Variants in NRAP observed in about 807,000 individuals in gnomAD.
NRAP encodes nebulin-related-anchoring protein.
In NRAP, 189 loss-of-function variants were observed where a neutral mutation model predicts 225.9. The ratio of observed to expected loss-of-function variants is 0.84; its 90% CI spans 0.74 to 0.94. The LOEUF (loss-of-function observed/expected upper bound fraction) is 0.94, where lower values mean the gene tolerates loss of function less well. Ranked by LOEUF, NRAP falls within the 40% of genes least tolerant of loss-of-function variation. The probability of loss-of-function intolerance (pLI) is 0.00; values close to 1 mark genes in which losing one functional copy is unlikely to be tolerated. For missense variants in NRAP, 2,176 were observed against 2,168.7 expected (o/e 1.00, Z -0.07); for synonymous variants, 769 against 790.7 (o/e 0.97, Z 0.46).
intron 26 of NRAP, 68 bp downstream of exon 26, chr10:113,617,387 C>T (rs765738914): frequency 1.2e-4 from 115 of 976,550 alleles, no homozygotes; most frequent in Admixed American, 5.3e-4. Context: ...AGAACCCCTC[C>T]GCTTCAATCG....
At position 113,634,149 on chromosome 10, in the gene NRAP, A is replaced by G. The variant is rs1206063031; in HGVS notation, c.1490T>C (p.Ile497Thr). The G allele has an allele frequency of 1.9e-6, 3 of 1,614,020 alleles. No individual in the cohort carries two copies. Among genetic ancestry groups the G allele is most frequent in the Middle Eastern group, 1.6e-4 (1 of 6,062 alleles). ...CTGGGCATTGATTTTGGCTTGAACA[A>G]TCTGTGGGGTGTCAGTCACCGAGCT... ...KYSSVTDTPQIVQAKINAQQL... is the reference protein window; with the variant it reads ...KYSSVTDTPQTVQAKINAQQL... The change falls in exon 15 of 42, where the codon ATT (isoleucine) becomes ACT (threonine). Residue 497 changes from isoleucine (I) to threonine (T), a missense_variant. Ile to Thr is a moderately conservative substitution (Grantham distance 89). Transcript: ENST00000359988.
chr10:113,614,734 G>C, intron 28 of NRAP, 105 bp downstream of exon 28: 1 of 731,264 alleles, frequency 1.4e-6, no homozygotes, highest in Non-Finnish European at 2.5e-6. Context: ...AGTTCGGAGA[G>C]GACAGGGAAT....
intron 16 of NRAP, 47 bp from the exon 17 acceptor site, chr10:113,632,011 T>C: frequency 1.7e-6 from 2 of 1,181,646 alleles, no homozygotes; most frequent in Non-Finnish European, 2.5e-6. Flanking sequence ...CCCATATTCC[T>C]GCCAAACGTC....
intron 18 of NRAP, among the ~76,000 whole-genome samples, chr10:113,630,900 T>A (rs1047614677): frequency 1.2e-4 from 18 of 152,224 alleles, no homozygotes; most frequent in African/African-American, 4.1e-4. Context: ...TTTTTCCCTA[T>A]TCAGCATCAG....
At chr10:113,634,809 T>C (rs1172515825) in intron 14 of NRAP, among the ~76,000 whole-genome samples, 1 of 151,832 alleles carries the variant, frequency 6.6e-6, no homozygotes, top group African/African-American at 2.4e-5. Context: ...AAAAAAGAGG[T>C]GTTAAAAAAA....
rs888890296 is a variant in NRAP at position 113,663,972 on chromosome 10, C to T, written c.-90G>A. The T allele has an allele frequency of 2.3e-5, 23 of 996,198 alleles. No individual in the cohort carries two copies. The highest frequency in any genetic ancestry group is 2.1e-4 in the Middle Eastern group (1 of 4,794). 61.7% of individuals were successfully genotyped at this position (996,198 alleles called of 1,614,324 possible). ...TCTAGTTCAAGTCTTCAAAATCCGA[C>T]GACCATAAAATTCCTGTGGGCACCT... On this transcript the variant is annotated 5_prime_UTR_variant, in exon 1 of 42. Coordinates refer to ENST00000359988, the MANE Select transcript of NRAP (RefSeq NM_198060.4).
At chr10:113,594,153 A>G (rs1212714807) in intron 38 of NRAP, among the ~76,000 whole-genome samples, 2 of 152,106 alleles carry the variant, frequency 1.3e-5, no homozygotes, top group East Asian at 1.9e-4. Flanking sequence ...CCTCATCCTC[A>G]CACATTAGAG....
At chr10:113,658,136 G>A (rs1850425728) in intron 3 of NRAP, among the ~76,000 whole-genome samples, 2 of 152,182 alleles carry the variant, frequency 1.3e-5, no homozygotes, top group South Asian at 4.1e-4. Context: ...TTGCAGTGAT[G>A]CCTTTCTTGT....
intron 36 of NRAP, among the ~76,000 whole-genome samples, chr10:113,597,668 G>A (rs554977666): frequency 3.9e-5 from 6 of 152,332 alleles, no homozygotes; most frequent in African/African-American, 1.2e-4. Flanking sequence ...CAACTCAGTA[G>A]ATGGGTGGCA....
intron 37 of NRAP, among the ~76,000 whole-genome samples, chr10:113,596,647 C>G (rs922011865): frequency 1.3e-5 from 2 of 152,154 alleles, no homozygotes; most frequent in African/African-American, 4.8e-5. Flanking sequence ...CATCTATCAA[C>G]AAGCAACATG....
chr10:113,650,356 G>A, intron 8 of NRAP, 82 bp downstream of exon 8: 1 of 1,047,816 alleles, frequency 9.5e-7, no homozygotes, highest in Non-Finnish European at 1.5e-6. Context: ...AAATGCAAAA[G>A]TCAACAGGAA....
chr10:113,616,908 A>G (rs1430008494), intron 26 of NRAP, among the ~76,000 whole-genome samples: 1 of 151,998 alleles, frequency 6.6e-6, no homozygotes, highest in Non-Finnish European at 1.5e-5. Flanking sequence ...GCAACCCTGC[A>G]CCCCAGCCAA....
At chr10:113,657,600 A>G (rs1850387158) in intron 3 of NRAP, 26 bp from the exon 4 acceptor site, 1 of 1,272,654 alleles carries the variant, frequency 7.9e-7, no homozygotes, top group African/African-American at 1.5e-5. Flanking sequence ...GTTGTCAGTA[A>G]TGTTTCCATC....
At chr10:113,603,157 G>A (rs771523319) in intron 35 of NRAP, among the ~76,000 whole-genome samples, 17 of 152,234 alleles carry the variant, frequency 1.1e-4, no homozygotes, top group Non-Finnish European at 2.4e-4. Context: ...CTGCAACGCA[G>A]TCCCATTGTC....
chr10:113,637,705 C>A (rs561065635), intron 14 of NRAP, among the ~76,000 whole-genome samples: 1 of 152,268 alleles, frequency 6.6e-6, no homozygotes, highest in Non-Finnish European at 1.5e-5. Context: ...AGGCGGATCA[C>A]CTGAGGTCAG....
At chr10:113,647,487 C>A (rs925233956) in intron 9 of NRAP, among the ~76,000 whole-genome samples, 4 of 141,276 alleles carry the variant, frequency 2.8e-5, no homozygotes, top group Non-Finnish European at 6.4e-5. Flanking sequence ...CTGTCTCCCC[C>A]GGTGGTACTG....
rs372528207 is a variant in NRAP, at chr10:113,624,940, A to G, written c.2245-10T>C. The G allele has an allele frequency of 4.8e-5, 76 of 1,590,138 alleles. No individual in the cohort carries two copies. The highest frequency in any genetic ancestry group is 5.8e-5 in the Non-Finnish European group (67 of 1,158,406). On this transcript the variant is annotated splice_polypyrimidine_tract_variant and intron_variant, in intron 21 of 41. Coordinates refer to ENST00000359988, the MANE Select transcript of NRAP (RefSeq NM_198060.4). ...CTGCCTTGTAGGCCACCTGTTGGGAAAGAGCACTGAGTCAGGAGCAGGTGG... is the reference window on the plus strand; with the variant it reads ...CTGCCTTGTAGGCCACCTGTTGGGAGAGAGCACTGAGTCAGGAGCAGGTGG...
chr10:113,616,836 T>C (rs1225737908), intron 26 of NRAP, among the ~76,000 whole-genome samples: 2 of 152,196 alleles, frequency 1.3e-5, no homozygotes. Context: ...ACAGGGTTAA[T>C]CTACATCACA....
chr10:113,646,900 G>GTACTTAC, intron 10 of NRAP, 23 bp downstream of exon 10: 3 of 1,508,380 alleles, frequency 2.0e-6, no homozygotes, highest in Non-Finnish European at 2.8e-6. Context: ...CTGGCTCTGT[G>GTACTTAC]GTCACACCTA....
Sources: gnomAD v4.1 joint callset for allele counts (sites outside exome capture counted in the v4.1 genomes callset) on GRCh38, gnomAD v4.1.1 for gene constraint, MANE v1.5 for transcripts, NCBI Gene and HGNC (gene_info 2026-07-23, HGNC 2026-07-21) for gene names.